The following WNT7A variants were observed in gnomAD, a reference collection of about 807,000 sequenced individuals.
The protein encoded by WNT7A is protein Wnt-7a.
In WNT7A, 16 loss-of-function variants were observed where a neutral mutation model predicts 28.2. The observed-to-expected ratio is 0.57, with a 90% confidence interval of 0.38 to 0.86. The LOEUF (loss-of-function observed/expected upper bound fraction) is 0.86, where lower values mean the gene tolerates loss of function less well. Among genes scored for constraint, WNT7A ranks in the 40% least tolerant of loss-of-function variants. WNT7A has a pLI of 0.00. For missense variants in WNT7A, 411 were observed against 489.7 expected (o/e 0.84, Z 1.52); for synonymous variants, 190 against 195.9 (o/e 0.97, Z 0.25).
intron 2 of WNT7A, among the ~76,000 whole-genome samples, chr3:13,869,541 G>T (rs1263862267): frequency 7.1e-6 from 1 of 141,762 alleles, no homozygotes; most frequent in South Asian, 2.3e-4. Flanking sequence ...GAGCAAGAAA[G>T]AAAAAAGAAA....
At chr3:13,820,967 A>AC (rs548705687) in intron 3 of WNT7A, among the ~76,000 whole-genome samples, 2 of 151,524 alleles carry the variant, frequency 1.3e-5, no homozygotes, top group Admixed American at 6.6e-5. Context: ...GTCTCCCAGG[A>AC]CCCCCCCACA....
chr3:13,838,880 G>A (rs1168499805), intron 3 of WNT7A, among the ~76,000 whole-genome samples: 4 of 152,234 alleles, frequency 2.6e-5, no homozygotes, highest in Non-Finnish European at 5.9e-5. Context: ...ATGGGTGCTT[G>A]AACTGTGGCT....
rs1016978165 is a variant in WNT7A at position 13,818,923 on chromosome 3, A to G, written c.*21T>C. The stretch of plus-strand genomic sequence containing the variant: ...TCCCAGCAATCTGACTTGCAGCGGG[A>G]GGGTGGTGTGCACACGGGGCTCACT... On this transcript the variant is annotated 3_prime_UTR_variant, in exon 4 of 4. Transcript: ENST00000285018. 1 of 1,550,724 alleles carries G rather than the reference A, an allele frequency of 6.4e-7. No homozygotes were observed. Among genetic ancestry groups the G allele is most frequent in the Non-Finnish European group, 8.7e-7 (1 of 1,142,888 alleles).
intron 3 of WNT7A, among the ~76,000 whole-genome samples, chr3:13,838,383 G>A (rs1694403147): frequency 6.6e-6 from 1 of 152,210 alleles, no homozygotes; most frequent in African/African-American, 2.4e-5. Context: ...AAACCACGGT[G>A]TGCGGAAGGA....
At chr3:13,837,298 C>T (rs2124841861) in intron 3 of WNT7A, among the ~76,000 whole-genome samples, 1 of 152,290 alleles carries the variant, frequency 6.6e-6, no homozygotes, top group Middle Eastern at 3.4e-3. Flanking sequence ...TCAGCTCCGG[C>T]TCAGCAACGT....
intron 3 of WNT7A, among the ~76,000 whole-genome samples, chr3:13,842,326 G>A (rs1694474005): frequency 6.6e-6 from 1 of 152,160 alleles, no homozygotes; most frequent in African/African-American, 2.4e-5. Context: ...TCTGGGGTAA[G>A]GGAATTGTTT....
chr3:13,845,308 G>A (rs1314838190), intron 3 of WNT7A, among the ~76,000 whole-genome samples: 1 of 152,216 alleles, frequency 6.6e-6, no homozygotes, highest in Non-Finnish European at 1.5e-5. Flanking sequence ...CTCTAAGAGA[G>A]TGATGTCCAA....
intron 2 of WNT7A, among the ~76,000 whole-genome samples, chr3:13,859,104 G>A (rs905916473): frequency 3.2e-4 from 48 of 152,214 alleles, no homozygotes; most frequent in African/African-American, 1.1e-3. Flanking sequence ...CAGCCGTTGC[G>A]TTGTAGTTTT....
intron 1 of WNT7A, among the ~76,000 whole-genome samples, chr3:13,876,277 A>C (rs975728415): frequency 6.6e-6 from 1 of 152,180 alleles, no homozygotes; most frequent in African/African-American, 2.4e-5. Flanking sequence ...ACCCATGGAA[A>C]CTGCTACAAA....
chr3:13,835,670 G>A (rs542919038), intron 3 of WNT7A, among the ~76,000 whole-genome samples: 37 of 152,230 alleles, frequency 2.4e-4, no homozygotes, highest in Non-Finnish European at 4.4e-4. Context: ...ACCTCCCCAC[G>A]AGGCTGGGGG....
intron 3 of WNT7A, among the ~76,000 whole-genome samples, chr3:13,829,033 A>G (rs1242328854): frequency 6.6e-6 from 1 of 152,212 alleles, no homozygotes; most frequent in Non-Finnish European, 1.5e-5. Flanking sequence ...GGCCGAAAGC[A>G]TAACACATCG....
chr3:13,831,901 G>A (rs1694284137), intron 3 of WNT7A, among the ~76,000 whole-genome samples: 1 of 152,106 alleles, frequency 6.6e-6, no homozygotes, highest in Non-Finnish European at 1.5e-5. Context: ...GACCTGTCCT[G>A]CTTGCAAATG....
chr3:13,860,485 A>G (rs962220827), intron 2 of WNT7A, among the ~76,000 whole-genome samples: 1 of 152,234 alleles, frequency 6.6e-6, no homozygotes, highest in South Asian at 2.1e-4. Context: ...TTCAAATCGG[A>G]TGGCTTGCTG....
At chr3:13,843,016 T>C (rs1478096894) in intron 3 of WNT7A, among the ~76,000 whole-genome samples, 29 of 152,164 alleles carry the variant, frequency 1.9e-4, no homozygotes, top group Non-Finnish European at 4.1e-4. Context: ...TCACCTATTT[T>C]GGATAAAGGA....
chr3:13,827,754 G>A (rs11917665), intron 3 of WNT7A, among the ~76,000 whole-genome samples: 21,649 of 152,056 alleles, frequency 0.14, 1,777 homozygotes, highest in Middle Eastern at 0.21. Context: ...GCATTCTGAG[G>A]GGCATCGAAT....
chr3:13,824,807 C>T (rs1180014768), intron 3 of WNT7A, among the ~76,000 whole-genome samples: 1 of 152,186 alleles, frequency 6.6e-6, no homozygotes, highest in Non-Finnish European at 1.5e-5. Context: ...TGCGGGGAGG[C>T]TTGTGCTTGT....
chr3:13,867,492 G>A (rs1694929436), intron 2 of WNT7A, among the ~76,000 whole-genome samples: 2 of 152,180 alleles, frequency 1.3e-5, no homozygotes, highest in African/African-American at 4.8e-5. Context: ...CTGTCTCCCA[G>A]GAATGAGACG....
chr3:13,854,083 G>A (rs1366499533), intron 3 of WNT7A, among the ~76,000 whole-genome samples: 1 of 151,992 alleles, frequency 6.6e-6, no homozygotes, highest in African/African-American at 2.4e-5. Context: ...CAATTCCCCT[G>A]TGTGACTCAC....
chr3:13,853,830 G>A (rs1694680957), intron 3 of WNT7A, among the ~76,000 whole-genome samples: 1 of 152,212 alleles, frequency 6.6e-6, no homozygotes, highest in African/African-American at 2.4e-5. Flanking sequence ...AGGAAATTGA[G>A]GCTGGGAGAG....
Sources: allele counts gnomAD v4.1 joint callset (sites outside exome capture counted in the v4.1 genomes callset), GRCh38; gene constraint gnomAD v4.1.1; transcripts MANE v1.5; gene names NCBI Gene and HGNC (gene_info 2026-07-23, HGNC 2026-07-21).